The following CTNNA3 variants were observed in gnomAD, a reference collection of about 807,000 sequenced individuals.
The protein encoded by CTNNA3 is catenin alpha-3.
CTNNA3 carries 76 observed loss-of-function variants against 95.7 expected under a neutral mutation model. That is an observed-to-expected ratio of 0.79 (90% CI 0.66 to 0.96). The LOEUF is 0.96. Ranked by LOEUF, CTNNA3 falls within the 40% of genes least tolerant of loss-of-function variation. The pLI is 0.00. For missense variants in CTNNA3, 1,191 were observed against 1,089.8 expected, an observed-to-expected ratio of 1.09 and a Z score of -1.31; for synonymous variants, 431 against 374.4, an observed-to-expected ratio of 1.15 and a Z score of -1.74.
At chr10:67,373,898 T>C (rs1010942865) in intron 5 of CTNNA3, among the ~76,000 whole-genome samples, 5 of 152,220 alleles carry the variant, frequency 3.3e-5, no homozygotes, top group African/African-American at 1.2e-4. Flanking sequence ...TCTGTTTATA[T>C]ATCTGTCTCT....
intron 1 of CTNNA3, among the ~76,000 whole-genome samples, chr10:67,693,834 C>G (rs1840914406): frequency 6.6e-6 from 1 of 152,178 alleles, no homozygotes; most frequent in Admixed American, 6.5e-5. Flanking sequence ...TCAAACTCAA[C>G]AATGACAGAA....
chr10:66,543,745 A>G (rs1378659887), intron 10 of CTNNA3, among the ~76,000 whole-genome samples: 1 of 151,524 alleles, frequency 6.6e-6, no homozygotes, highest in South Asian at 2.1e-4. Context: ...TATTTCAATT[A>G]TAAGGAAAGC....
intron 6 of CTNNA3, among the ~76,000 whole-genome samples, chr10:67,184,753 A>G (rs1046909110): frequency 3.9e-5 from 6 of 152,238 alleles, no homozygotes; most frequent in African/African-American, 7.2e-5. Context: ...CCTTTTATAA[A>G]GCATCAATGA....
At chr10:67,303,948 C>G (rs1048804061) in intron 5 of CTNNA3, among the ~76,000 whole-genome samples, 2 of 152,140 alleles carry the variant, frequency 1.3e-5, no homozygotes, top group Non-Finnish European at 2.9e-5. Context: ...TTACTTAATT[C>G]CTTTCTCTTT....
At chr10:66,876,479 C>T (rs1197907555) in intron 7 of CTNNA3, among the ~76,000 whole-genome samples, 2 of 152,074 alleles carry the variant, frequency 1.3e-5, no homozygotes, top group Non-Finnish European at 2.9e-5. Context: ...ATATGCAATC[C>T]TTATTTGACC....
chr10:67,346,629 T>C lies in CTNNA3; in HGVS notation c.580-126759A>G, dbSNP rs1050829007. 26 of 466,006 alleles carry C rather than the reference T, an allele frequency of 5.6e-5. No individual in the cohort carries two copies. The Admixed American group carries it at 5.8e-4, about 10-fold the overall frequency. The allele number at this position is 466,006 out of a possible 1,614,324, so 28.9% of individuals were successfully genotyped here. On this transcript the variant is annotated intron_variant, in intron 5 of 17. Transcript: ENST00000433211. Reference sequence around the variant, plus strand: ...ACTGTATATGGACAAGTAGAAAATATGGAGAGAGAAACTTCTAGTTATAAG... The same window carrying C: ...ACTGTATATGGACAAGTAGAAAATACGGAGAGAGAAACTTCTAGTTATAAG...
intron 2 of CTNNA3, among the ~76,000 whole-genome samples, chr10:67,643,904 G>T (rs1042969003): frequency 6.6e-6 from 1 of 152,126 alleles, no homozygotes; most frequent in African/African-American, 2.4e-5. Context: ...TGGTGTATAT[G>T]TGCCACATTT....
rs956193941 is a variant in CTNNA3 at position 65,915,477 on chromosome 10, G to A, written c.*4853C>T. On this transcript the variant is annotated 3_prime_UTR_variant, in exon 18 of 18. Coordinates refer to ENST00000433211, the MANE Select transcript of CTNNA3 (RefSeq NM_013266.4). ...CCTCTGGCACCTTCTTATTTGTTGTGCCTTTAGACTACTCCGTATCGTCTC... is the reference window on the plus strand; with the variant it reads ...CCTCTGGCACCTTCTTATTTGTTGTACCTTTAGACTACTCCGTATCGTCTC... The A allele has an allele frequency of 1.3e-5, 2 of 152,044 alleles. No individual in the cohort carries two copies. The highest frequency in any genetic ancestry group is 4.8e-5 in the African/African-American group (2 of 41,386). The allele number at this position is 152,044 out of a possible 1,614,324, so 9.4% of individuals were successfully genotyped here. A position where few individuals can be genotyped will look rare whatever the true frequency, so the allele number is the denominator to read the frequency against.
chr10:65,924,294 G>A (rs963078838), intron 17 of CTNNA3, among the ~76,000 whole-genome samples: 2 of 152,080 alleles, frequency 1.3e-5, no homozygotes, highest in African/African-American at 4.8e-5. Context: ...TCAGGACACT[G>A]AGATCTGCCC....
chr10:67,355,106 G>C (rs1239054316), intron 5 of CTNNA3, among the ~76,000 whole-genome samples: 1 of 151,944 alleles, frequency 6.6e-6, no homozygotes, highest in Non-Finnish European at 1.5e-5. Context: ...CCACCACTTT[G>C]TCAATGGTTG....
chr10:66,129,206 G>A (rs1028527478), intron 13 of CTNNA3, among the ~76,000 whole-genome samples: 3 of 152,226 alleles, frequency 2.0e-5, no homozygotes, highest in Non-Finnish European at 4.4e-5. Flanking sequence ...GGAGGTTGCA[G>A]TGAGCCGAGA....
intron 13 of CTNNA3, among the ~76,000 whole-genome samples, chr10:66,258,879 C>G (rs1205029084): frequency 1.3e-5 from 2 of 152,130 alleles, no homozygotes; most frequent in East Asian, 1.9e-4. Flanking sequence ...TTCCACTTCT[C>G]TTTTCTGTAC....
chr10:67,300,448 A>T (rs1564546741), intron 5 of CTNNA3, among the ~76,000 whole-genome samples: 1 of 152,198 alleles, frequency 6.6e-6, no homozygotes, highest in Non-Finnish European at 1.5e-5. Flanking sequence ...AATGCATATT[A>T]TAGTGCTTTC....
chr10:67,267,700 G>C (rs1866885389), intron 5 of CTNNA3, among the ~76,000 whole-genome samples: 1 of 152,114 alleles, frequency 6.6e-6, no homozygotes, highest in Admixed American at 6.5e-5. Context: ...AGTATACTGT[G>C]TGATATTTAG....
At chr10:66,909,453 G>A (rs1925584) in intron 7 of CTNNA3, among the ~76,000 whole-genome samples, 44,787 of 151,926 alleles carry the variant, frequency 0.29, 7,849 homozygotes, top group East Asian at 0.47. Flanking sequence ...AGGTTGTGGT[G>A]AGCCAAGATT....
chr10:67,461,272 G>A (rs747089172), intron 5 of CTNNA3, among the ~76,000 whole-genome samples: 6 of 152,104 alleles, frequency 3.9e-5, no homozygotes, highest in Non-Finnish European at 8.8e-5. Flanking sequence ...AGTCTTCAGA[G>A]TAGAACATTT....
intron 3 of CTNNA3, among the ~76,000 whole-genome samples, chr10:67,566,738 A>C (rs1392627096): frequency 1.3e-5 from 2 of 152,032 alleles, no homozygotes; most frequent in Non-Finnish European, 2.9e-5. Context: ...TTATTGCGGC[A>C]CTCTTCACAA....
rs768735520 is a variant in CTNNA3 at position 66,379,215 on chromosome 10, T to A, written c.1669A>T (p.Ser557Cys). The stretch of plus-strand genomic sequence containing the variant: ...TCCGTGTAAGCCCCTGGCTCGTAAC[T>A]GTCCATTTCACCCGTGACGATGTGA... Reference protein sequence around the residue: ...VAHIVTGEMDSYEPGAYTEGV... With the variant: ...VAHIVTGEMDCYEPGAYTEGV... The change falls in exon 12 of 18, where the codon AGT becomes TGT. Residue 557 changes from serine (S) to cysteine (C), a missense_variant. Coordinates refer to ENST00000433211, the MANE Select transcript of CTNNA3 (RefSeq NM_013266.4). 1 of 1,614,146 alleles carries A rather than the reference T, an allele frequency of 6.2e-7. No individual in the cohort carries two copies. The highest frequency in any genetic ancestry group is 1.1e-5 in the South Asian group (1 of 91,086).
At chr10:67,236,385 A>C (rs550836887) in intron 5 of CTNNA3, among the ~76,000 whole-genome samples, 14 of 151,950 alleles carry the variant, frequency 9.2e-5, no homozygotes, top group African/African-American at 3.1e-4. Flanking sequence ...ATTGGAAATC[A>C]TCATTCTCAG....
Sources: gnomAD v4.1 joint callset for allele counts (sites outside exome capture counted in the v4.1 genomes callset) on GRCh38, gnomAD v4.1.1 for gene constraint, MANE v1.5 for transcripts, NCBI Gene and HGNC (gene_info 2026-07-23, HGNC 2026-07-21) for gene names.